Variants in ZNF350 observed in about 807,000 individuals in gnomAD.
ZNF350 encodes zinc finger protein 350, also known as KRAB zinc finger protein ZFQR.
A neutral mutation model predicts 13.1 loss-of-function variants in ZNF350; 5 were observed. The ratio of observed to expected loss-of-function variants is 0.38; its 90% CI spans 0.20 to 0.80. The LOEUF (loss-of-function observed/expected upper bound fraction) is 0.80. Among genes scored for constraint, ZNF350 ranks in the 30% least tolerant of loss-of-function variants. ZNF350 has a pLI of 0.43. For missense variants in ZNF350, 534 were observed against 644.2 expected (o/e 0.83, Z 1.85); for synonymous variants, 199 against 224.2 (o/e 0.89, Z 1.00).
At chr19:51,978,179 C>T (rs2085946554) in intron 1 of ZNF350, among the ~76,000 whole-genome samples, 1 of 152,154 alleles carries the variant, frequency 6.6e-6, no homozygotes, top group Admixed American at 6.5e-5. Flanking sequence ...CAATGCAGAC[C>T]ACAACCCCAC....
intron 2 of ZNF350, among the ~76,000 whole-genome samples, chr19:51,970,607 G>A (rs1018725043): frequency 6.6e-6 from 1 of 152,056 alleles, no homozygotes; most frequent in African/African-American, 2.4e-5. Flanking sequence ...TTTTCTGATG[G>A]ACTAATTATA....
rs752839450 is a variant in ZNF350, at chr19:51,965,773, A to G, written c.680T>C (p.Met227Thr). The G allele has an allele frequency of 5.6e-6, 9 of 1,613,708 alleles. No homozygotes were observed. The highest frequency in any genetic ancestry group is 1.3e-5 in the African/African-American group (1 of 74,890). ...TCTGTGGGGTTTCTCTCCTGTATGC[A>G]TTACCTGGTGATCAGTTAGCCAAGA... The part of the protein sequence containing the change: ...KKSWLTDHQV[M>T]HTGEKPHRCS... Residue 227 changes from methionine to threonine, a missense_variant, in exon 5 of 5, where the codon ATG becomes ACG. Met to Thr is a moderately conservative substitution (Grantham distance 81). Transcript: ENST00000243644.
At chr19:51,977,079 G>A (rs560855690) in intron 1 of ZNF350, among the ~76,000 whole-genome samples, 1 of 152,298 alleles carries the variant, frequency 6.6e-6, no homozygotes, top group South Asian at 2.1e-4. Context: ...CATCTGTACT[G>A]CCTCCTTCGG....
intron 4 of ZNF350, among the ~76,000 whole-genome samples, chr19:51,966,735 C>A (rs1294089017): frequency 1.3e-5 from 2 of 151,884 alleles, no homozygotes; most frequent in East Asian, 3.9e-4. Flanking sequence ...GCAACCTCCA[C>A]CTCCTGAGTT....
chr19:51,972,656 A>G (rs1030685), intron 2 of ZNF350, among the ~76,000 whole-genome samples: 35,604 of 151,868 alleles, frequency 0.23, 4,944 homozygotes, highest in African/African-American at 0.37. Context: ...TATCATAATG[A>G]ATATATATAT....
chr19:51,965,165 CTT>C lies in ZNF350; in HGVS notation c.1286_1287del (p.Gln429ArgfsTer20), dbSNP rs754073345. 2.5e-5 allele frequency: 40 copies of C among 1,614,076 alleles called. No individual in the cohort carries two copies. The highest frequency in any genetic ancestry group is 8.9e-5 in the East Asian group (4 of 44,898). On this transcript the variant is annotated frameshift_variant, in exon 5 of 5. Transcript: ENST00000243644. LOFTEE classifies it low-confidence loss of function (END_TRUNC). ...GGAGGATTTTCCACCTTGGCTGCCT[CTT>C]GTTTCTCCCTTGTGTGTATTCTCTT... ...KHKRIHTREK[Q>X]EAAKVENPPA...
chr19:51,977,645 C>G (rs2085931138), intron 1 of ZNF350, among the ~76,000 whole-genome samples: 1 of 152,228 alleles, frequency 6.6e-6, no homozygotes, highest in African/African-American at 2.4e-5. Flanking sequence ...TGCAGGAACC[C>G]TATGCACAAT....
chr19:51,974,968 C>A (rs1459748064), intron 1 of ZNF350: 1 of 152,152 alleles, frequency 6.6e-6, no homozygotes, highest in East Asian at 1.9e-4. Flanking sequence ...ATGTACTGGG[C>A]AAATCATAAG....
At chr19:51,977,959 T>G (rs571822405) in intron 1 of ZNF350, among the ~76,000 whole-genome samples, 1 of 152,196 alleles carries the variant, frequency 6.6e-6, no homozygotes, top group African/African-American at 2.4e-5. Flanking sequence ...ACTGGACATC[T>G]AAAAAAGGAA....
At chr19:51,968,157 G>T (rs1286211798) in intron 4 of ZNF350, among the ~76,000 whole-genome samples, 1 of 152,126 alleles carries the variant, frequency 6.6e-6, no homozygotes, top group Admixed American at 6.5e-5. Flanking sequence ...CCATCACAGG[G>T]GAGGTGTTAG....
chr19:51,970,084 G>A (rs1484221891), intron 2 of ZNF350, among the ~76,000 whole-genome samples: 7 of 130,376 alleles, frequency 5.4e-5, no homozygotes, highest in South Asian at 2.4e-4. Flanking sequence ...TTTTTGAGAC[G>A]GAGTTTTGCT....
In ZNF350 at chr19:51,985,048, GACTC is replaced by G. The variant is rs749929033; in HGVS notation, c.-172+1718_-172+1721del. ...ACTTTTCGGTGTGAGAATGGAAAAAGACTCACAGAACACCACTGGTGTGCTGACC... is the reference window on the plus strand; with the variant it reads ...ACTTTTCGGTGTGAGAATGGAAAAAGACAGAACACCACTGGTGTGCTGACC... On this transcript the variant is annotated intron_variant, in intron 1 of 4. Coordinates refer to ENST00000243644, the MANE Select transcript of ZNF350 (RefSeq NM_021632.4). Among the ~76,000 whole-genome samples, 6 of 152,178 alleles carry G rather than the reference GACTC, an allele frequency of 3.9e-5. No individual in the cohort carries two copies. The East Asian group carries it at 1.2e-3, about 29-fold the overall frequency.
Position 51,966,184 on chromosome 19 carries a change from C to A in ZNF350, c.269G>T (p.Arg90Leu). 1 of 1,590,150 alleles carries A rather than the reference C, an allele frequency of 6.3e-7. No individual in the cohort carries two copies. The highest frequency in any genetic ancestry group is 8.5e-7 in the Non-Finnish European group (1 of 1,170,934). ...GTTCACCAGGCTTTCACTCTGCAAG[C>A]GCTCCAGCACATGATCAACTTTCCA... ...DIWKVDHVLE[R>L]LQSESLVNRR... is the part of the protein sequence containing the mutation. The change falls in exon 5 of 5, where the codon CGC becomes CTC. Residue 90 changes from arginine (R) to leucine (L), a missense_variant. Transcript: ENST00000243644.
At chr19:51,986,043 T>A (rs1487803099) in intron 1 of ZNF350, among the ~76,000 whole-genome samples, 11 of 151,900 alleles carry the variant, frequency 7.2e-5, no homozygotes. Flanking sequence ...ATAAAAGAAG[T>A]GAATGCAGAG....
chr19:51,972,372 G>A (rs1294417349), intron 2 of ZNF350, among the ~76,000 whole-genome samples: 5 of 120,906 alleles, frequency 4.1e-5, no homozygotes, highest in African/African-American at 6.4e-5. Flanking sequence ...ACCCACCCCC[G>A]CCACACACAC....
In ZNF350 at chr19:51,969,093, A is replaced by C. The variant is rs1457791167; in HGVS notation, c.54T>G (p.Thr18=). The C allele has an allele frequency of 6.2e-7, 1 of 1,613,960 alleles. No homozygotes were observed. Among genetic ancestry groups the C allele is most frequent in the African/African-American group, 1.3e-5 (1 of 74,918 alleles). ...CGCCCAGGAGTTGCCACTCCTCCCAAGTGAAGTCCACAGCCACATCCTCCA... is the reference window on the plus strand; with the variant it reads ...CGCCCAGGAGTTGCCACTCCTCCCACGTGAAGTCCACAGCCACATCCTCCA... ...ITLEDVAVDF[T]WEEWQLLGAA... The change falls in exon 3 of 5, where the codon ACT becomes ACG. Residue 18 remains threonine (T), a synonymous_variant. Transcript: ENST00000243644.
At chr19:51,973,085 T>C (rs996521614) in intron 2 of ZNF350, 1 of 151,788 alleles carries the variant, frequency 6.6e-6, no homozygotes, top group Non-Finnish European at 1.5e-5. Context: ...TAGCTGGGAC[T>C]ACAGGCACCT....
chr19:51,966,522 G>A (rs2085579999), intron 4 of ZNF350, among the ~76,000 whole-genome samples: 1 of 151,724 alleles, frequency 6.6e-6, no homozygotes. Flanking sequence ...GACCTCAGGT[G>A]AGCCATTGTG....
At chr19:51,977,416 G>A (rs2085923461) in intron 1 of ZNF350, among the ~76,000 whole-genome samples, 1 of 152,218 alleles carries the variant, frequency 6.6e-6, no homozygotes, top group African/African-American at 2.4e-5. Flanking sequence ...AAATTGGCAA[G>A]AAATGTGTGC....
Sources: allele counts gnomAD v4.1 joint callset (sites outside exome capture counted in the v4.1 genomes callset), GRCh38; gene constraint gnomAD v4.1.1; transcripts MANE v1.5; gene names NCBI Gene and HGNC (gene_info 2026-07-23, HGNC 2026-07-21).